The following PTPN23 variants were observed in gnomAD, a reference collection of about 807,000 sequenced individuals.
PTPN23 encodes the protein protein tyrosine phosphatase non-receptor type 23.
In PTPN23, 72 loss-of-function variants were observed where a neutral mutation model predicts 156.3. The observed-to-expected ratio is 0.46, with a 90% CI of 0.38 to 0.56. The LOEUF (loss-of-function observed/expected upper bound fraction) is 0.56. Among genes scored for constraint, PTPN23 ranks in the 20% least tolerant of loss-of-function variants. The probability of loss-of-function intolerance (pLI) is 0.00; values close to 1 mark genes in which losing one functional copy is unlikely to be tolerated. For synonymous variants in PTPN23, 957 were observed against 899.6 expected (o/e 1.06, Z -1.14); for missense variants, 1,974 against 2,171.5 (o/e 0.91, Z 1.81).
At chr3:47,381,284 A>G in intron 1 of PTPN23, 104 bp downstream of exon 1, 1 of 1,479,210 alleles carries the variant, frequency 6.8e-7, no homozygotes, top group Non-Finnish European at 9.2e-7. Context: ...GCCCGGTCGC[A>G]GGGTCCGGTG....
intron 2 of PTPN23, among the ~76,000 whole-genome samples, chr3:47,398,112 A>G (rs1016872222): frequency 3.9e-5 from 6 of 152,196 alleles, no homozygotes; most frequent in African/African-American, 1.2e-4. Flanking sequence ...CCTGGCCAAC[A>G]TGGCGAAACC....
Position 47,409,400 on chromosome 3 carries a change from C to T in PTPN23, c.1798-17C>T. ...GAGGCCCTGAGTGTCCGTCCCTGGC[C>T]CCCACCCCTTCCTCAGAAGTTGTTC... On this transcript the variant is annotated splice_polypyrimidine_tract_variant and intron_variant, in intron 17 of 24. Transcript: ENST00000265562. 2 of 1,613,966 alleles carry T rather than the reference C, an allele frequency of 1.2e-6. No individual in the cohort carries two copies. The highest frequency in any genetic ancestry group is 1.7e-6 in the Non-Finnish European group (2 of 1,179,962).
In PTPN23 at chr3:47,411,232, A is replaced by G; in HGVS notation, c.3434A>G (p.Lys1145Arg). 1 of 1,607,312 alleles carries G rather than the reference A, an allele frequency of 6.2e-7. No individual in the cohort carries two copies. Among genetic ancestry groups the G allele is most frequent in the Non-Finnish European group, 8.5e-7 (1 of 1,179,324 alleles). ...GGGCAGCCCCTGCTGCAGCCCACCA[A>G]GGTGGATGCAGCTGAGGGTCGTCGG... ...GGGQPLLQPTKVDAAEGRRPQ... is the reference protein window; with the variant it reads ...GGGQPLLQPTRVDAAEGRRPQ... The change falls in exon 20 of 25, where the codon AAG (lysine) becomes AGG (arginine). Residue 1145 changes from lysine to arginine, a missense_variant. Coordinates refer to ENST00000265562, the MANE Select transcript of PTPN23 (RefSeq NM_015466.4). This position sits in a 1 kb window ranked among gnomAD's most constrained non-coding sequence, Gnocchi z 6.3.
intron 1 of PTPN23, among the ~76,000 whole-genome samples, chr3:47,388,516 T>A (rs528353141): frequency 6.6e-6 from 1 of 152,330 alleles, no homozygotes; most frequent in African/African-American, 2.4e-5. Context: ...CAAACAGGTA[T>A]AGTAATCACA....
At chr3:47,399,271 G>C (rs1301515946) in intron 2 of PTPN23, among the ~76,000 whole-genome samples, 1 of 152,120 alleles carries the variant, frequency 6.6e-6, no homozygotes, top group Non-Finnish European at 1.5e-5. Context: ...TATGGTAGGG[G>C]CTGAAATTGA....
In PTPN23 at chr3:47,406,419, T is replaced by G; in HGVS notation, c.627+14T>G. The G allele has an allele frequency of 6.2e-7, 1 of 1,613,884 alleles. No homozygotes were observed. Among genetic ancestry groups the G allele is most frequent in the Admixed American group, 1.7e-5 (1 of 60,012 alleles). ...ATCAGTGCACAGGTAGGGACGGGGCTGAGGGGAGGCCTTCACTTTACTGCT... is the reference window on the plus strand; with the variant it reads ...ATCAGTGCACAGGTAGGGACGGGGCGGAGGGGAGGCCTTCACTTTACTGCT... On this transcript the variant is annotated intron_variant, in intron 7 of 24. Transcript: ENST00000265562. This position sits in a 1 kb window ranked among gnomAD's most constrained non-coding sequence, Gnocchi z 5.8.
chr3:47,389,560 G>A (rs1302691869), intron 1 of PTPN23, among the ~76,000 whole-genome samples: 1 of 152,168 alleles, frequency 6.6e-6, no homozygotes, highest in Admixed American at 6.6e-5. Flanking sequence ...CGGGACCAGG[G>A]CCTGGCGCAG....
Position 47,405,247 on chromosome 3 carries a change from TG to T in PTPN23, c.364+169del. The T allele has an allele frequency of 1.5e-6, 1 of 669,568 alleles. No homozygotes were observed. The highest frequency in any genetic ancestry group is 2.6e-6 in the Non-Finnish European group (1 of 383,980). 41.5% of individuals were successfully genotyped at this position (669,568 alleles called of 1,614,324 possible). A position where few individuals can be genotyped will look rare whatever the true frequency, so the allele number is the denominator to read the frequency against. Reference sequence around the variant, plus strand: ...CCCTGCCAGCTCCTCCACTGTTTTCTGGGCTGGGCCCGTGGGGAGCCTCTGC... The same window carrying T: ...CCCTGCCAGCTCCTCCACTGTTTTCTGGCTGGGCCCGTGGGGAGCCTCTGC... On this transcript the variant is annotated intron_variant, in intron 4 of 24. Transcript: ENST00000265562. This position sits in a 1 kb window ranked among gnomAD's most constrained non-coding sequence, Gnocchi z 4.7.
intron 2 of PTPN23, among the ~76,000 whole-genome samples, chr3:47,398,274 G>T (rs1256060678): frequency 6.6e-6 from 1 of 152,072 alleles, no homozygotes; most frequent in South Asian, 2.1e-4. Flanking sequence ...ATCCAGCCTG[G>T]GCAACAGAGT....
At chr3:47,388,446 G>A (rs890046588) in intron 1 of PTPN23, among the ~76,000 whole-genome samples, 2 of 151,812 alleles carry the variant, frequency 1.3e-5, no homozygotes, top group Admixed American at 1.3e-4. Context: ...GCTTAAGTAG[G>A]TATATAAGTA....
intron 2 of PTPN23, 100 bp from the exon 3 acceptor site, chr3:47,404,552 G>T: frequency 6.6e-7 from 1 of 1,507,968 alleles, no homozygotes; most frequent in Non-Finnish European, 9.1e-7. Context: ...TGTGCAGTCG[G>T]CCAGCTGTGA....
intron 1 of PTPN23, among the ~76,000 whole-genome samples, chr3:47,384,455 C>CAA (rs56896052): frequency 0.5 from 39,300 of 78,450 alleles, 11,760 homozygotes; most frequent in African/African-American, 0.55. Context: ...GAGACTGTCT[C>CAA]AAAAAAAAAA....
chr3:47,393,885 G>A (rs1032640249), intron 1 of PTPN23, among the ~76,000 whole-genome samples: 4 of 150,956 alleles, frequency 2.6e-5, no homozygotes, highest in Admixed American at 6.6e-5. Context: ...GACTACAGGC[G>A]TGGGCTACCA....
intron 2 of PTPN23, chr3:47,396,418 T>A: frequency 2.8e-6 from 1 of 361,580 alleles, no homozygotes; most frequent in Non-Finnish European, 5.2e-6. Context: ...CTACTAAAAA[T>A]ACAAAAATTA....
Position 47,387,381 on chromosome 3 carries a change from A to ACAAAG in PTPN23, c.84+6205_84+6209dup, listed in dbSNP as rs1232313017. On this transcript the variant is annotated intron_variant, in intron 1 of 24. Transcript: ENST00000265562. ...CAGGAGTTTGAGACTAACCTGGGCA[A>ACAAAG]CAAAGCAAGACCCTGTCTCTACAAA... Among the ~76,000 whole-genome samples, 5 of 147,426 alleles carry ACAAAG rather than the reference A, an allele frequency of 3.4e-5. 1 individual carries two copies. The East Asian group carries it at 1.0e-3, about 29-fold the overall frequency.
chr3:47,389,976 G>A (rs187166454), intron 1 of PTPN23, among the ~76,000 whole-genome samples: 67 of 151,986 alleles, frequency 4.4e-4, no homozygotes, highest in African/African-American at 1.5e-3. Context: ...GGGAGGCTTA[G>A]GCAGGAGAAT....
At position 47,413,115 on chromosome 3, in the gene PTPN23, T is replaced by G; in HGVS notation, c.4841T>G (p.Leu1614Arg). The G allele has an allele frequency of 6.2e-7, 1 of 1,612,890 alleles. No homozygotes were observed. The highest frequency in any genetic ancestry group is 8.5e-7 in the Non-Finnish European group (1 of 1,180,022). ...CTGCAGGCCCATAACGGGCAAGGGC[T>G]GCGGGCCACCCGGCCCTCTGACGAC... ...NFLQAHNGQG[L>R]RATRPSDDPL... Residue 1614 changes from leucine to arginine, a missense_variant, in exon 25 of 25, where the codon CTG (leucine) becomes CGG (arginine). By Grantham distance (102) the Leu-to-Arg change is moderately radical. Transcript: ENST00000265562.
intron 1 of PTPN23, among the ~76,000 whole-genome samples, chr3:47,386,218 A>G (rs1054509711): frequency 6.6e-6 from 1 of 151,718 alleles, no homozygotes; most frequent in Non-Finnish European, 1.5e-5. Flanking sequence ...AGGCTGGGGT[A>G]TAAATGGTGC....
chr3:47,408,065 G>C (rs1705172254), intron 14 of PTPN23, 110 bp downstream of exon 14: 5 of 1,352,928 alleles, frequency 3.7e-6, no homozygotes, highest in South Asian at 1.2e-5. Context: ...ATTCCAAACA[G>C]GTTTCCCAAT....
Sources: gnomAD v4.1 joint callset for allele counts (sites outside exome capture counted in the v4.1 genomes callset) on GRCh38, gnomAD v4.1.1 for gene constraint, Gnocchi (gnomAD v3.1) non-coding constraint, MANE v1.5 for transcripts, NCBI Gene and HGNC (gene_info 2026-07-23, HGNC 2026-07-21) for gene names.